Variants in SKI observed in about 807,000 individuals in gnomAD.
The protein encoded by SKI is SKI proto-oncogene.
Under a neutral mutation model 59.3 loss-of-function variants are expected in SKI, and 23 were observed. The observed-to-expected ratio is 0.39, with a 90% confidence interval of 0.28 to 0.55. The LOEUF (loss-of-function observed/expected upper bound fraction) is 0.55, where lower values mean the gene tolerates loss of function less well. SKI is among the 20% of genes least tolerant of loss of function. SKI has a pLI of 0.67. For missense variants in SKI, 1,017 were observed against 1,038.9 expected, an observed-to-expected ratio of 0.98 and a Z score of 0.29; for synonymous variants, 673 against 488.6, an observed-to-expected ratio of 1.38 and a Z score of -4.98.
chr1:2,290,793 C>T (rs1475171196), intron 1 of SKI, among the ~76,000 whole-genome samples: 3 of 152,136 alleles, frequency 2.0e-5, no homozygotes, highest in South Asian at 2.1e-4. Flanking sequence ...GATGGCAGGA[C>T]GCATTGTCAC....
Position 2,304,596 on chromosome 1 carries a change from C to A in SKI, c.1767+11C>A, listed in dbSNP as rs202132957. The A allele has an allele frequency of 1.9e-6, 3 of 1,543,130 alleles. No homozygotes were observed. Among genetic ancestry groups the A allele is most frequent in the Non-Finnish European group, 2.6e-6 (3 of 1,143,008 alleles). On this transcript the variant is annotated intron_variant, in intron 5 of 6. Coordinates refer to ENST00000378536, the MANE Select transcript of SKI (RefSeq NM_003036.4). Reference sequence around the variant, plus strand: ...CGCAGCCTCCACCAGGTGAGCGGGGCGAGTGGTGCTGGGAGGTCCAGGGCA... The same window carrying A: ...CGCAGCCTCCACCAGGTGAGCGGGGAGAGTGGTGCTGGGAGGTCCAGGGCA...
At chr1:2,265,736 G>A (rs1383604914) in intron 1 of SKI, among the ~76,000 whole-genome samples, 1 of 152,150 alleles carries the variant, frequency 6.6e-6, no homozygotes, top group Non-Finnish European at 1.5e-5. Context: ...GGAGGCTGAG[G>A]TGGGCAGATT....
chr1:2,236,084 C>T (rs938525087), intron 1 of SKI, among the ~76,000 whole-genome samples: 2 of 152,214 alleles, frequency 1.3e-5, no homozygotes, highest in Non-Finnish European at 2.9e-5. Context: ...GCCTCGGTGC[C>T]TCTGCAGCTG....
intron 1 of SKI, among the ~76,000 whole-genome samples, chr1:2,284,929 T>C (rs4648821): frequency 1.3e-5 from 2 of 152,066 alleles, no homozygotes; most frequent in South Asian, 2.1e-4. Flanking sequence ...AGGTGCACCA[T>C]GCGGGCCTTT....
chr1:2,286,239 C>T (rs991098373), intron 1 of SKI, among the ~76,000 whole-genome samples: 6 of 152,206 alleles, frequency 3.9e-5, no homozygotes, highest in African/African-American at 1.4e-4. Context: ...CAGTGGCTCA[C>T]TCCTGTCATT....
intron 1 of SKI, among the ~76,000 whole-genome samples, chr1:2,266,970 C>T (rs975645873): frequency 2.0e-5 from 3 of 152,094 alleles, no homozygotes; most frequent in Non-Finnish European, 4.4e-5. Context: ...AATCACGCTC[C>T]GTGGCAGCAG....
chr1:2,229,827 C>T lies in SKI; in HGVS notation c.969+92C>T, dbSNP rs1638591882. The stretch of plus-strand genomic sequence containing the variant: ...GGCTCTGGTCTCCGAAGGCTGGGAC[C>T]TGTGCTTCTGCCGTGCCCCATGTCT... On this transcript the variant is annotated intron_variant, in intron 1 of 6. Coordinates refer to ENST00000378536, the MANE Select transcript of SKI (RefSeq NM_003036.4). The surrounding 1 kb of genome is among the most constrained non-coding windows in gnomAD (Gnocchi z 6.3). The T allele has an allele frequency of 1.9e-6, 3 of 1,541,780 alleles. No homozygotes were observed. The highest frequency in any genetic ancestry group is 1.2e-5 in the South Asian group (1 of 83,048).
intron 1 of SKI, among the ~76,000 whole-genome samples, chr1:2,288,964 C>T (rs1033137326): frequency 5.6e-4 from 86 of 152,226 alleles, no homozygotes; most frequent in Non-Finnish European, 3.4e-4. Context: ...GGAGCTGCCT[C>T]GCTCTTCCTG....
At chr1:2,260,196 C>T (rs1257559199) in intron 1 of SKI, among the ~76,000 whole-genome samples, 3 of 152,200 alleles carry the variant, frequency 2.0e-5, no homozygotes, top group African/African-American at 7.2e-5. Context: ...CTTAGGCGTT[C>T]AGCCGTCCTG....
rs1341335162 is a variant in SKI at position 2,309,105 on chromosome 1, C to T, written c.*2340C>T. Reference sequence around the variant, plus strand: ...GGCTCACCAGGGTCACTTCCACTGTCAGGGGCCTGAGGGGGCAGCTGTGGC... The same window carrying T: ...GGCTCACCAGGGTCACTTCCACTGTTAGGGGCCTGAGGGGGCAGCTGTGGC... On this transcript the variant is annotated 3_prime_UTR_variant, in exon 7 of 7. Transcript: ENST00000378536. 6.6e-6 allele frequency: 1 copy of T among 152,354 alleles called. No homozygotes were observed. Among genetic ancestry groups the T allele is most frequent in the Non-Finnish European group, 1.5e-5 (1 of 68,168 alleles). 9.4% of individuals were successfully genotyped at this position (152,354 alleles called of 1,614,324 possible).
At chr1:2,248,947 C>T (rs1639058115) in intron 1 of SKI, among the ~76,000 whole-genome samples, 1 of 152,236 alleles carries the variant, frequency 6.6e-6, no homozygotes, top group Non-Finnish European at 1.5e-5. Context: ...TCCCACAAGC[C>T]ATCTCAGGAG....
intron 1 of SKI, among the ~76,000 whole-genome samples, chr1:2,280,649 G>GA (rs751204490): frequency 8.1e-4 from 99 of 122,400 alleles, no homozygotes; most frequent in East Asian, 3.2e-3. Context: ...TTCAGAGAGA[G>GA]GACACCCGAG....
At position 2,229,032 on chromosome 1, in the gene SKI, CCTT is replaced by C. The variant is rs776226534; in HGVS notation, c.271_273del (p.Phe91del). ...CCGCCGCCGCCCGTGCTGCCCGGGC[CCTT>C]CTTCATGCCGTCCGACCGCTCCACC... On this transcript the variant is annotated inframe_deletion, in exon 1 of 7. Transcript: ENST00000378536. The surrounding 1 kb of genome is among the most constrained non-coding windows in gnomAD (Gnocchi z 6.3). 1.2e-6 allele frequency: 2 copies of C among 1,600,646 alleles called. No homozygotes were observed. Among genetic ancestry groups the C allele is most frequent in the Non-Finnish European group, 1.7e-6 (2 of 1,178,560 alleles).
intron 1 of SKI, among the ~76,000 whole-genome samples, chr1:2,253,417 G>A (rs1041678344): frequency 6.6e-6 from 1 of 152,216 alleles, no homozygotes; most frequent in African/African-American, 2.4e-5. Context: ...CTGAGTTTTG[G>A]TGTATCCCTT....
chr1:2,303,952 G>T lies in SKI; in HGVS notation c.1324G>T (p.Ala442Ser), dbSNP rs756573168. The change falls in exon 4 of 7, where the codon GCC becomes TCC. Residue 442 changes from alanine (A) to serine (S), a missense_variant. Ala to Ser is a moderately conservative substitution (Grantham distance 99). Coordinates refer to ENST00000378536, the MANE Select transcript of SKI (RefSeq NM_003036.4). This position sits in a 1 kb window ranked among gnomAD's most constrained non-coding sequence, Gnocchi z 5.6. ...SPPCAAAVSR[A>S]PEPLATCTQP... ...TCCGTGTGCCGCCGCCGTCTCCCGG[G>T]CCCCCGAGCCTCTCGCCACTTGCAC... 6.2e-7 allele frequency: 1 copy of T among 1,611,734 alleles called. No individual in the cohort carries two copies. Among genetic ancestry groups the T allele is most frequent in the South Asian group, 1.1e-5 (1 of 91,030 alleles).
intron 1 of SKI, among the ~76,000 whole-genome samples, chr1:2,275,101 C>T (rs1639712085): frequency 6.6e-6 from 1 of 152,206 alleles, no homozygotes; most frequent in Admixed American, 6.5e-5. Context: ...CGCCCTGGAA[C>T]CCCCACCCTG....
chr1:2,282,910 T>G (rs1472090868), intron 1 of SKI, among the ~76,000 whole-genome samples: 4 of 152,204 alleles, frequency 2.6e-5, no homozygotes, highest in Non-Finnish European at 4.4e-5. Context: ...TCCTGTGCCC[T>G]AAGCTGAGCC....
rs937507856 is a variant in SKI at position 2,269,286 on chromosome 1, A to G, written c.970-33692A>G. Among the ~76,000 whole-genome samples the G allele has an allele frequency of 1.3e-5, 2 of 152,186 alleles. No individual in the cohort carries two copies. The highest frequency in any genetic ancestry group is 2.4e-5 in the African/African-American group (1 of 41,446). ...GATGCAGATCCAGCCCTGGGAAGAA[A>G]GCACCGCTGGCCATGACTGGGCAGA... On this transcript the variant is annotated intron_variant, in intron 1 of 6. Coordinates refer to ENST00000378536, the MANE Select transcript of SKI (RefSeq NM_003036.4). This position sits in a 1 kb window ranked among gnomAD's most constrained non-coding sequence, Gnocchi z 4.7.
intron 1 of SKI, among the ~76,000 whole-genome samples, chr1:2,275,465 C>T (rs555004026): frequency 6.6e-6 from 1 of 152,186 alleles, no homozygotes; most frequent in East Asian, 1.9e-4. Context: ...AGACCCCGAG[C>T]CCTGGGGCAG....
Sources: gnomAD v4.1 joint callset for allele counts (sites outside exome capture counted in the v4.1 genomes callset) on GRCh38, gnomAD v4.1.1 for gene constraint, Gnocchi (gnomAD v3.1) non-coding constraint, MANE v1.5 for transcripts, NCBI Gene and HGNC (gene_info 2026-07-23, HGNC 2026-07-21) for gene names.